ENTREP2: variants seen among roughly 807,000 people sequenced by gnomAD.
ENTREP2 encodes the protein protein ENTREP2.
At chr15:29,543,877 A>G in the ENTREP2 span, among the ~76,000 whole-genome samples, 2 of 152,000 alleles carry the variant, frequency 1.3e-5, no homozygotes, top group East Asian at 3.9e-4. Context: ...TTGGTCTATT[A>G]CCAAAATGAT....
chr15:29,348,172 C>T, the ENTREP2 span, among the ~76,000 whole-genome samples: 1 of 152,174 alleles, frequency 6.6e-6, no homozygotes, highest in African/African-American at 2.4e-5. Context: ...CCAAAAATAT[C>T]TGTGTATGTC....
chr15:29,269,178 C>G, the ENTREP2 span: 1 of 1,614,084 alleles, frequency 6.2e-7, no homozygotes, highest in Non-Finnish European at 8.5e-7. Flanking sequence ...TCAGGAGGCC[C>G]GTAGTGGGCG....
chr15:29,160,573 G>C, the ENTREP2 span, among the ~76,000 whole-genome samples: 1 of 151,966 alleles, frequency 6.6e-6, no homozygotes, highest in Non-Finnish European at 1.5e-5. Flanking sequence ...GCCAGGCGTG[G>C]TGGCAGGCAC....
chr15:29,640,708 T>C, the ENTREP2 span, among the ~76,000 whole-genome samples: 1 of 144,120 alleles, frequency 6.9e-6, no homozygotes, highest in African/African-American at 2.9e-5. Flanking sequence ...GAAAAAAGAT[T>C]CCCACAAAGA....
At chr15:29,328,615 A>G in the ENTREP2 span, among the ~76,000 whole-genome samples, 2 of 152,214 alleles carry the variant, frequency 1.3e-5, no homozygotes, top group Non-Finnish European at 2.9e-5. Context: ...ACTCTAGTTG[A>G]TAAATTTGTT....
the ENTREP2 span, among the ~76,000 whole-genome samples, chr15:29,649,582 G>C: frequency 6.6e-6 from 1 of 151,874 alleles, no homozygotes; most frequent in African/African-American, 2.4e-5. Context: ...CTAGCCAGGC[G>C]TGGTGATGTG....
the ENTREP2 span, among the ~76,000 whole-genome samples, chr15:29,427,218 C>T: frequency 2.0e-5 from 3 of 152,136 alleles, no homozygotes; most frequent in Admixed American, 1.3e-4. Context: ...CAGGCCTAAT[C>T]GTTATCCTGC....
the ENTREP2 span, chr15:29,266,897 A>G: frequency 2.6e-5 from 4 of 152,168 alleles, no homozygotes; most frequent in African/African-American, 7.2e-5. Context: ...AGCGGGGGGA[A>G]TTTTGCCTCA....
the ENTREP2 span, among the ~76,000 whole-genome samples, chr15:29,567,261 C>T: frequency 1.3e-5 from 2 of 152,176 alleles, no homozygotes; most frequent in African/African-American, 4.8e-5. Flanking sequence ...CCAACCTTGC[C>T]GAGTCCTCCC....
chr15:29,572,469 C>T, the ENTREP2 span, among the ~76,000 whole-genome samples: 1 of 151,810 alleles, frequency 6.6e-6, no homozygotes, highest in Non-Finnish European at 1.5e-5. Flanking sequence ...TCATCTCCCC[C>T]ATTCATTCAT....
At chr15:29,157,963 C>T in the ENTREP2 span, among the ~76,000 whole-genome samples, 2,076 of 152,128 alleles carry the variant, frequency 0.014, 32 homozygotes, top group African/African-American at 0.041. Context: ...GTGATCCAGC[C>T]GCCTTGGCCT....
chr15:29,360,136 A>G, the ENTREP2 span, among the ~76,000 whole-genome samples: 1 of 152,206 alleles, frequency 6.6e-6, no homozygotes, highest in Non-Finnish European at 1.5e-5. Context: ...TATGCTTGGT[A>G]ATACTTTTTA....
the ENTREP2 span, among the ~76,000 whole-genome samples, chr15:29,337,033 T>G: frequency 6.6e-6 from 1 of 152,216 alleles, no homozygotes; most frequent in Non-Finnish European, 1.5e-5. Context: ...CTCAGGCTGT[T>G]CATTTGTTTG....
At chr15:29,128,271 G>A in the ENTREP2 span, among the ~76,000 whole-genome samples, 11 of 152,046 alleles carry the variant, frequency 7.2e-5, no homozygotes, top group African/African-American at 2.7e-4. Context: ...CACCTCCCCC[G>A]CCCCGGCTCT....
chr15:29,131,153 A>G, the ENTREP2 span, among the ~76,000 whole-genome samples: 2 of 152,214 alleles, frequency 1.3e-5, no homozygotes, highest in Non-Finnish European at 2.9e-5. Flanking sequence ...GAGGCCAACC[A>G]TTAGAAACAG....
the ENTREP2 span, among the ~76,000 whole-genome samples, chr15:29,464,051 G>A: frequency 6.6e-6 from 1 of 152,142 alleles, no homozygotes; most frequent in Non-Finnish European, 1.5e-5. Flanking sequence ...CCAGGGGCCG[G>A]GGAGAAGGGA....
the ENTREP2 span, among the ~76,000 whole-genome samples, chr15:29,225,251 C>G: frequency 6.6e-6 from 1 of 152,250 alleles, no homozygotes; most frequent in African/African-American, 2.4e-5. Context: ...GGCACCAAGG[C>G]CGAGGAGGCG....
At chr15:29,665,328 A>ACC in the ENTREP2 span, among the ~76,000 whole-genome samples, 1 of 152,240 alleles carries the variant, frequency 6.6e-6, no homozygotes, top group Admixed American at 6.5e-5. Flanking sequence ...GCTGCTGGGT[A>ACC]CTTGCAATAT....
At chr15:29,234,978 C>A in the ENTREP2 span, 4 of 1,439,674 alleles carry the variant, frequency 2.8e-6, no homozygotes, top group East Asian at 9.1e-5. Context: ...ATTGTATTAA[C>A]ACAGCCATCA....
Sources: gnomAD v4.1 joint callset for allele counts (sites outside exome capture counted in the v4.1 genomes callset) on GRCh38, gnomAD v4.1.1 for gene constraint, MANE v1.5 for transcripts, NCBI Gene and HGNC (gene_info 2026-07-23, HGNC 2026-07-21) for gene names.